RHBDF2: variants seen among roughly 807,000 people sequenced by gnomAD.
RHBDF2 encodes the protein inactive rhomboid protein 2.
Under a neutral mutation model 95.2 loss-of-function variants are expected in RHBDF2, and 38 were observed. The observed-to-expected ratio is 0.40, with a 90% CI of 0.31 to 0.52. RHBDF2 has a LOEUF of 0.52. Ranked by LOEUF, RHBDF2 falls within the 20% of genes least tolerant of loss-of-function variation. The pLI, the probability that RHBDF2 is intolerant of heterozygous loss-of-function variation, is 0.56. For synonymous variants in RHBDF2, 442 were observed against 462.0 expected, an observed-to-expected ratio of 0.96 and a Z score of 0.55; for missense variants, 863 against 1,137.7, an observed-to-expected ratio of 0.76 and a Z score of 3.47.
intron 2 of RHBDF2, among the ~76,000 whole-genome samples, chr17:76,486,149 C>A (rs1407237547): frequency 6.6e-6 from 1 of 152,062 alleles, no homozygotes; most frequent in Admixed American, 6.5e-5. Context: ...TGCTCTGTCA[C>A]CCAGGCTAGA....
chr17:76,498,188 G>A (rs2074475685), intron 1 of RHBDF2, among the ~76,000 whole-genome samples: 1 of 152,058 alleles, frequency 6.6e-6, no homozygotes, highest in Admixed American at 6.6e-5. Flanking sequence ...AGCTGTCCCT[G>A]CCTAGCCACC....
At chr17:76,496,418 A>T (rs2074427580) in intron 1 of RHBDF2, among the ~76,000 whole-genome samples, 1 of 152,182 alleles carries the variant, frequency 6.6e-6, no homozygotes, top group Non-Finnish European at 1.5e-5. Context: ...CCGCGCTCTT[A>T]ACCTCCACAC....
In RHBDF2 at chr17:76,481,543, G is replaced by C. The variant is rs376463971; in HGVS notation, c.-19C>G. The C allele has an allele frequency of 8.7e-6, 14 of 1,601,504 alleles. No homozygotes were observed. The highest frequency in any genetic ancestry group is 5.0e-5 in the Admixed American group (3 of 59,728). On this transcript the variant is annotated splice_region_variant and 5_prime_UTR_variant, in exon 3 of 19. Transcript: ENST00000675367. ...AGGCCATTGTGGGCAGGAGGCGGGA[G>C]GGCTGGAATGGAGACCGGGAGAGCA...
At chr17:76,472,564 C>G (rs201110864) in intron 18 of RHBDF2, 122 bp downstream of exon 18, 1 of 1,298,522 alleles carries the variant, frequency 7.7e-7, no homozygotes, top group Non-Finnish European at 1.1e-6. Flanking sequence ...AGCTGTCCCT[C>G]CGCTGTGGAG....
In RHBDF2 at chr17:76,474,800, A is replaced by G. The variant is rs2073712696; in HGVS notation, c.1232T>C (p.Leu411Pro). The G allele has an allele frequency of 1.2e-6, 2 of 1,613,942 alleles. No individual in the cohort carries two copies. The highest frequency in any genetic ancestry group is 1.7e-6 in the Non-Finnish European group (2 of 1,179,842). The change falls in exon 11 of 19, where the codon CTG becomes CCG. Residue 411 changes from leucine (L) to proline (P), a missense_variant. Around this residue, in one of 2 missense-constraint regions of RHBDF2, gnomAD observed 611 missense variants for 725.5 expected, o/e 0.84. Transcript: ENST00000675367. Reference sequence around the variant, plus strand: ...GCTCTCGTACACACCTTTGTTCCGCAGCACCTATCGTGGAGGTAGCACAGA... The same window carrying G: ...GCTCTCGTACACACCTTTGTTCCGCGGCACCTATCGTGGAGGTAGCACAGA... The part of the protein sequence containing the change: ...FAQHVTTQLV[L>P]RNKGVYESVK...
intron 18 of RHBDF2, chr17:76,472,389 G>GGTGTAGAT: frequency 1.8e-6 from 1 of 567,098 alleles, no homozygotes; most frequent in Non-Finnish European, 3.2e-6. Flanking sequence ...TGCCGACGGC[G>GGTGTAGAT]CACGGAGGCC....
chr17:76,472,132 C>G (rs779230320), intron 18 of RHBDF2, 80 bp from the exon 19 acceptor site: 4 of 1,355,820 alleles, frequency 3.0e-6, no homozygotes, highest in Non-Finnish European at 3.9e-6. Flanking sequence ...GTCATCCCAT[C>G]GATCAGCTCC....
At chr17:76,472,884 C>T (rs1016536588) in intron 17 of RHBDF2, 45 bp from the exon 18 acceptor site, 5 of 1,577,472 alleles carry the variant, frequency 3.2e-6, no homozygotes, top group Non-Finnish European at 4.3e-6. Context: ...CCAGGCACTT[C>T]AGGAGCAGTA....
Position 76,474,553 on chromosome 17 carries a change from G to A in RHBDF2, c.1303-19C>T. ...GGTCAATCTGGGGAAGGGAAAGGGA[G>A]GGGAGAGAGTGAGTTTGAGCCCCAG... On this transcript the variant is annotated intron_variant, in intron 11 of 18. Transcript: ENST00000675367. The A allele has an allele frequency of 6.2e-7, 1 of 1,613,764 alleles. No homozygotes were observed. The highest frequency in any genetic ancestry group is 8.5e-7 in the Non-Finnish European group (1 of 1,179,676).
In RHBDF2 at chr17:76,497,733, C is replaced by A. The variant is rs184065674; in HGVS notation, c.-220+3620G>T. Among the ~76,000 whole-genome samples the A allele has an allele frequency of 5.9e-5, 9 of 152,338 alleles. No homozygotes were observed. The East Asian group carries it at 1.3e-3, about 23-fold the overall frequency. On this transcript the variant is annotated intron_variant, in intron 1 of 18. Transcript: ENST00000675367. ...GATTACTGTTAGTGAGCCCACTGTGCAGCTGGGGAAACTGAGGCACAGACT... is the reference window on the plus strand; with the variant it reads ...GATTACTGTTAGTGAGCCCACTGTGAAGCTGGGGAAACTGAGGCACAGACT...
intron 1 of RHBDF2, among the ~76,000 whole-genome samples, chr17:76,499,956 A>G (rs1427951999): frequency 2.0e-5 from 3 of 152,144 alleles, no homozygotes; most frequent in East Asian, 3.9e-4. Context: ...CTGCAGGGCC[A>G]GTGGAGATTG....
rs1308542992 is a variant in RHBDF2, at chr17:76,479,408, GC to G, written c.273-132del. 11 of 1,316,014 alleles carry G rather than the reference GC, an allele frequency of 8.4e-6. No individual in the cohort carries two copies. The East Asian group carries it at 2.0e-4, about 24-fold the overall frequency. 81.5% of individuals were successfully genotyped at this position (1,316,014 alleles called of 1,614,324 possible). A position where few individuals can be genotyped will look rare whatever the true frequency, so the allele number is the denominator to read the frequency against. On this transcript the variant is annotated intron_variant, in intron 4 of 18. Transcript: ENST00000675367. ...GGTGGGGGGCGGATCTGCCTGTGAG[GC>G]CCCTGGCTGGAGCCCAGTGACCAGA...
chr17:76,497,194 C>A (rs372469528), intron 1 of RHBDF2, among the ~76,000 whole-genome samples: 2 of 152,078 alleles, frequency 1.3e-5, no homozygotes, highest in African/African-American at 4.8e-5. Context: ...GGCGGCCACA[C>A]GGGGGAGGCA....
Position 76,477,027 on chromosome 17 carries a change from G to C in RHBDF2, c.921-3C>G. 6.2e-7 allele frequency: 1 copy of C among 1,612,876 alleles called. No individual in the cohort carries two copies. Among genetic ancestry groups the C allele is most frequent in the Non-Finnish European group, 8.5e-7 (1 of 1,179,504 alleles). ...CTGGGGCTCGGCCATACTCCTTCCTGGTGGGGATGGTGGCTTTCAGCCTGA... is the reference window on the plus strand; with the variant it reads ...CTGGGGCTCGGCCATACTCCTTCCTCGTGGGGATGGTGGCTTTCAGCCTGA... On this transcript the variant is annotated splice_polypyrimidine_tract_variant and splice_region_variant and intron_variant, in intron 8 of 18. Coordinates refer to ENST00000675367, the MANE Select transcript of RHBDF2 (RefSeq NM_001005498.4).
rs1456702266 is a variant in RHBDF2 at position 76,477,168 on chromosome 17, C to T, written c.920+12G>A. ...GGCTGGCCTGGAGGAGGGACTCTGCCCCAGCACTCACAGAGGGATTTGCAC... is the reference window on the plus strand; with the variant it reads ...GGCTGGCCTGGAGGAGGGACTCTGCTCCAGCACTCACAGAGGGATTTGCAC... On this transcript the variant is annotated intron_variant, in intron 8 of 18. Transcript: ENST00000675367. 6.2e-7 allele frequency: 1 copy of T among 1,611,526 alleles called. No homozygotes were observed. Among genetic ancestry groups the T allele is most frequent in the Non-Finnish European group, 8.5e-7 (1 of 1,179,222 alleles).
Position 76,474,464 on chromosome 17 carries a change from A to C in RHBDF2, c.1373T>G (p.Val458Gly), listed in dbSNP as rs1598654293. The change falls in exon 12 of 19, where the codon GTG (valine) becomes GGG (glycine). Residue 458 changes from valine (V) to glycine (G), a missense_variant. By Grantham distance (109) the Val-to-Gly change is moderately radical. Transcript: ENST00000675367. ...IRKDGQIEQLVLRERDLERDS... is the reference protein window; with the variant it reads ...IRKDGQIEQLGLRERDLERDS... ...CCGCTCCAGGTCTCGCTCGCGCAGCACCAGCTGCTCGATCTGCCCGTCCTT... is the reference window on the plus strand; with the variant it reads ...CCGCTCCAGGTCTCGCTCGCGCAGCCCCAGCTGCTCGATCTGCCCGTCCTT... 1 of 1,614,058 alleles carries C rather than the reference A, an allele frequency of 6.2e-7. No individual in the cohort carries two copies. Among genetic ancestry groups the C allele is most frequent in the Non-Finnish European group, 8.5e-7 (1 of 1,179,958 alleles).
chr17:76,484,981 G>A (rs545088696), intron 2 of RHBDF2, among the ~76,000 whole-genome samples: 1 of 152,314 alleles, frequency 6.6e-6, no homozygotes, highest in East Asian at 1.9e-4. Context: ...GCAAATGAGT[G>A]GATGATGTCA....
At chr17:76,480,326 A>T (rs2073927451) in intron 3 of RHBDF2, among the ~76,000 whole-genome samples, 1 of 151,078 alleles carries the variant, frequency 6.6e-6, no homozygotes, top group South Asian at 2.1e-4. Flanking sequence ...ACCTCAAGTG[A>T]TCTGGCCGCC....
intron 1 of RHBDF2, among the ~76,000 whole-genome samples, chr17:76,496,977 T>A (rs1186919983): frequency 6.6e-6 from 1 of 152,172 alleles, no homozygotes; most frequent in South Asian, 2.1e-4. Flanking sequence ...TTAGCCAGGA[T>A]GGTCCCGATC....
Sources: allele counts gnomAD v4.1 joint callset (sites outside exome capture counted in the v4.1 genomes callset), GRCh38; gene constraint gnomAD v4.1.1; regional missense constraint gnomAD v4.1.1; transcripts MANE v1.5; gene names NCBI Gene and HGNC (gene_info 2026-07-23, HGNC 2026-07-21).